The following CNGB1 variants were observed in gnomAD, a reference collection of about 807,000 sequenced individuals.
CNGB1 encodes cyclic nucleotide gated channel subunit beta 1.
A neutral mutation model predicts 151.7 loss-of-function variants in CNGB1; 126 were observed. That is an observed-to-expected ratio of 0.83 (90% confidence interval 0.72 to 0.96). CNGB1 has a LOEUF of 0.96. Among genes scored for constraint, CNGB1 ranks in the 40% least tolerant of loss-of-function variants. CNGB1 has a pLI of 0.00. For synonymous variants in CNGB1, 623 were observed against 635.1 expected, an observed-to-expected ratio of 0.98 and a Z score of 0.29; for missense variants, 1,698 against 1,627.0, an observed-to-expected ratio of 1.04 and a Z score of -0.75.
chr16:57,888,189 G>A (rs1959988551), intron 31 of CNGB1, 115 bp from the exon 32 acceptor site: 3 of 1,107,490 alleles, frequency 2.7e-6, no homozygotes, highest in Admixed American at 2.0e-5. Flanking sequence ...TTTGGCTGGT[G>A]ATTGTAGAGA....
intron 13 of CNGB1, among the ~76,000 whole-genome samples, chr16:57,950,086 G>C (rs1961910902): frequency 6.6e-6 from 1 of 152,176 alleles, no homozygotes; most frequent in African/African-American, 2.4e-5. Flanking sequence ...AAGACCTCAA[G>C]GTATATTGTT....
chr16:57,924,939 T>A (rs975247429), intron 17 of CNGB1, among the ~76,000 whole-genome samples: 2 of 152,210 alleles, frequency 1.3e-5, no homozygotes, highest in African/African-American at 4.8e-5. Context: ...GATGCTGCCA[T>A]GCTGCCTGTA....
chr16:57,939,398 G>A (rs772325721), intron 16 of CNGB1, 32 bp downstream of exon 16: 5 of 1,613,642 alleles, frequency 3.1e-6, no homozygotes, highest in Non-Finnish European at 3.4e-6. Context: ...AGACATTCTT[G>A]CGCAACCCAT....
intron 31 of CNGB1, among the ~76,000 whole-genome samples, chr16:57,888,428 TCTC>T (rs1222433278): frequency 1.3e-5 from 2 of 151,774 alleles, no homozygotes; most frequent in Non-Finnish European, 2.9e-5. Context: ...TTCTCTCCTC[TCTC>T]CTCTTCTCTT....
chr16:57,937,789 C>G (rs371040917), intron 16 of CNGB1, among the ~76,000 whole-genome samples: 15 of 152,330 alleles, frequency 9.8e-5, no homozygotes, highest in African/African-American at 2.9e-4. Context: ...GGCCCTGGTT[C>G]CCCAACTGGG....
chr16:57,949,125 AGT>A (rs1355543442), intron 14 of CNGB1, among the ~76,000 whole-genome samples: 1 of 151,578 alleles, frequency 6.6e-6, no homozygotes, highest in South Asian at 2.1e-4. Context: ...GCTGCATTCT[AGT>A]GTGTGTGGGG....
chr16:57,970,373 G>A (rs913146586), intron 1 of CNGB1, among the ~76,000 whole-genome samples: 5 of 151,998 alleles, frequency 3.3e-5, no homozygotes, highest in Non-Finnish European at 5.9e-5. Flanking sequence ...ACCACGCCCC[G>A]CCCAGCCCCT....
In CNGB1 at chr16:57,960,724, C is replaced by T. The variant is rs868342074; in HGVS notation, c.534+116G>A. 4 of 1,323,864 alleles carry T rather than the reference C, an allele frequency of 3.0e-6. No individual in the cohort carries two copies. In the Middle Eastern group the frequency reaches 7.2e-4, roughly 240 times the overall value. The allele number at this position is 1,323,864 out of a possible 1,614,324, so 82.0% of individuals were successfully genotyped here. On this transcript the variant is annotated intron_variant, in intron 8 of 32. Coordinates refer to ENST00000251102, the MANE Select transcript of CNGB1 (RefSeq NM_001297.5). ...GAGGACTCTCCAAAGTGGGGCATCGCCCCCTCATGAGTTCTGGGGTGGGTG... is the reference window on the plus strand; with the variant it reads ...GAGGACTCTCCAAAGTGGGGCATCGTCCCCTCATGAGTTCTGGGGTGGGTG...
At chr16:57,905,014 A>C in intron 25 of CNGB1, 139 bp from the exon 26 acceptor site, 1 of 1,061,748 alleles carries the variant, frequency 9.4e-7, no homozygotes, top group Non-Finnish European at 1.4e-6. Flanking sequence ...TGCAAGGAAA[A>C]CCACCTCCTG....
chr16:57,884,256 A>G lies in CNGB1; in HGVS notation c.3664T>C (p.Ser1222Pro). 1.2e-6 allele frequency: 2 copies of G among 1,613,618 alleles called. No individual in the cohort carries two copies. The highest frequency in any genetic ancestry group is 8.5e-7 in the Non-Finnish European group (1 of 1,179,850). ...CCCGGGCTCATGCAGATCCTCACCGAGTGCTCTTCGGGCTCGGCCGGCCCC... is the reference window on the plus strand; with the variant it reads ...CCCGGGCTCATGCAGATCCTCACCGGGTGCTCTTCGGGCTCGGCCGGCCCC... ...EEGPAEPEEH[S>P]VRICMSPGPE... The change falls in exon 33 of 33, where the codon TCG becomes CCG. Residue 1222 changes from serine (S) to proline (P), a missense_variant. Transcript: ENST00000251102.
intron 16 of CNGB1, among the ~76,000 whole-genome samples, chr16:57,937,761 A>G (rs1207674971): frequency 6.6e-6 from 1 of 152,212 alleles, no homozygotes; most frequent in African/African-American, 2.4e-5. Flanking sequence ...TCCAACCAGA[A>G]GCAGTAACTC....
At chr16:57,895,501 ATG>A (rs1325937685) in intron 31 of CNGB1, among the ~76,000 whole-genome samples, 1 of 150,252 alleles carries the variant, frequency 6.7e-6, no homozygotes, top group Non-Finnish European at 1.5e-5. Flanking sequence ...ATACATGTAT[ATG>A]TGTGTGTATG....
At chr16:57,940,146 C>A in intron 15 of CNGB1, 88 bp downstream of exon 15, 2 of 1,308,082 alleles carry the variant, frequency 1.5e-6, no homozygotes, top group Non-Finnish European at 2.1e-6. Context: ...GCCAAAACTC[C>A]CCCTGTAAGC....
intron 31 of CNGB1, among the ~76,000 whole-genome samples, chr16:57,892,628 G>A (rs1355776779): frequency 6.6e-6 from 1 of 151,344 alleles, no homozygotes; most frequent in Non-Finnish European, 1.5e-5. Flanking sequence ...AACTCTCCAT[G>A]GCTCCCATCT....
chr16:57,939,435 G>C lies in CNGB1; in HGVS notation c.1367C>G (p.Ser456Ter), dbSNP rs1961602946. 1 of 1,613,972 alleles carries C rather than the reference G, an allele frequency of 6.2e-7. No individual in the cohort carries two copies. Among genetic ancestry groups the C allele is most frequent in the Non-Finnish European group, 8.5e-7 (1 of 1,180,026 alleles). Residue 456 changes from serine to a stop codon, truncating the protein, a stop_gained, in exon 16 of 33, where the codon TCA becomes TGA. Transcript: ENST00000251102. LOFTEE classifies it high-confidence loss of function. ...ACCACCACCACCACACCTACCTCCT[G>C]AACTGGCAGCCTCGGCCTCAGCCTC... ...EPEAEAEAAS[S>*]GVPATKQHPE...
At chr16:57,912,432 G>A (rs746837177) in intron 24 of CNGB1, among the ~76,000 whole-genome samples, 1 of 152,190 alleles carries the variant, frequency 6.6e-6, no homozygotes, top group Non-Finnish European at 1.5e-5. Flanking sequence ...GGATATTCCT[G>A]GTTCTCTAAA....
At chr16:57,888,467 GTCTCTCTC>G (rs72091541) in intron 31 of CNGB1, among the ~76,000 whole-genome samples, 1 of 147,522 alleles carries the variant, frequency 6.8e-6, no homozygotes, top group South Asian at 2.1e-4. Flanking sequence ...CTCTGTCTCT[GTCTCTCTC>G]TCTCTCTCTT....
chr16:57,915,100 G>A lies in CNGB1; in HGVS notation c.2304+149C>T, dbSNP rs948927889. The A allele has an allele frequency of 9.7e-6, 6 of 617,024 alleles. No homozygotes were observed. In the African/African-American group the frequency reaches 1.1e-4, roughly 11 times the overall value. The allele number at this position is 617,024 out of a possible 1,614,324, so 38.2% of individuals were successfully genotyped here. ...CAAATTGTAATGAACTTTCCACTAA[G>A]ACACACGTGGAATAAATGCATCTCC... On this transcript the variant is annotated intron_variant, in intron 23 of 32. Coordinates refer to ENST00000251102, the MANE Select transcript of CNGB1 (RefSeq NM_001297.5).
At chr16:57,915,773 CTTGT>C (rs1960847744) in intron 22 of CNGB1, among the ~76,000 whole-genome samples, 1 of 151,764 alleles carries the variant, frequency 6.6e-6, no homozygotes, top group Non-Finnish European at 1.5e-5. Flanking sequence ...GTGACGCACA[CTTGT>C]AATCCCAGCT....
Sources: gnomAD v4.1 joint callset for allele counts (sites outside exome capture counted in the v4.1 genomes callset) on GRCh38, gnomAD v4.1.1 for gene constraint, MANE v1.5 for transcripts, NCBI Gene and HGNC (gene_info 2026-07-23, HGNC 2026-07-21) for gene names.